The following UBAC2 variants were observed in gnomAD, a reference collection of about 807,000 sequenced individuals.
The protein encoded by UBAC2 is ubiquitin-associated domain-containing protein 2.
Under a neutral mutation model 44.0 loss-of-function variants are expected in UBAC2, and 26 were observed. The ratio of observed to expected loss-of-function variants is 0.59; its 90% confidence interval spans 0.43 to 0.82. The LOEUF (loss-of-function observed/expected upper bound fraction) is 0.82. Ranked by LOEUF, UBAC2 falls within the 40% of genes least tolerant of loss-of-function variation. UBAC2 has a pLI of 0.00. For missense variants in UBAC2, 329 were observed against 419.4 expected, an observed-to-expected ratio of 0.78 and a Z score of 1.88; for synonymous variants, 155 against 154.3, an observed-to-expected ratio of 1.00 and a Z score of -0.04.
At chr13:99,364,292 CTGTTA>C (rs2045302959) in intron 7 of UBAC2, among the ~76,000 whole-genome samples, 1 of 150,610 alleles carries the variant, frequency 6.6e-6, no homozygotes, top group Admixed American at 6.6e-5. Context: ...CTCCTTCAAA[CTGTTA>C]ATGTGTGGAT....
intron 4 of UBAC2, among the ~76,000 whole-genome samples, chr13:99,271,341 A>G (rs374734989): frequency 2.6e-5 from 4 of 152,152 alleles, no homozygotes; most frequent in Admixed American, 6.5e-5. Context: ...TATTGGGGAA[A>G]GTATTCCAGA....
At chr13:99,229,328 A>T (rs9513585) in intron 1 of UBAC2, among the ~76,000 whole-genome samples, 2 of 152,040 alleles carry the variant, frequency 1.3e-5, no homozygotes, top group African/African-American at 2.4e-5. Flanking sequence ...TATCTGTGCT[A>T]ATAAGGAAGG....
At chr13:99,354,444 C>T (rs1187632723) in intron 7 of UBAC2, among the ~76,000 whole-genome samples, 1 of 152,186 alleles carries the variant, frequency 6.6e-6, no homozygotes, top group African/African-American at 2.4e-5. Flanking sequence ...GCTGGGGAAA[C>T]CCAGACTCAG....
chr13:99,243,711 G>A (rs4771326), intron 2 of UBAC2, 121 bp from the exon 3 acceptor site: 95,505 of 843,732 alleles, frequency 0.11, 6,431 homozygotes, highest in South Asian at 0.26. Context: ...CCTTTGGTGT[G>A]TGCATTATGA....
At chr13:99,245,872 A>C (rs897309495) in intron 4 of UBAC2, among the ~76,000 whole-genome samples, 1 of 152,192 alleles carries the variant, frequency 6.6e-6, no homozygotes. Flanking sequence ...ACCATGTATT[A>C]GTGTGTGAAA....
intron 6 of UBAC2, among the ~76,000 whole-genome samples, chr13:99,325,966 C>T (rs888473041): frequency 4.6e-5 from 7 of 152,158 alleles, no homozygotes; most frequent in Admixed American, 4.6e-4. Flanking sequence ...GTTGTTTCCC[C>T]ATGTTGGCTA....
intron 4 of UBAC2, among the ~76,000 whole-genome samples, chr13:99,276,575 C>T (rs1457308590): frequency 6.6e-6 from 1 of 152,222 alleles, no homozygotes; most frequent in East Asian, 1.9e-4. Context: ...TCCATGTATT[C>T]ACCAACCCAG....
chr13:99,326,786 C>T (rs952142230), intron 6 of UBAC2, among the ~76,000 whole-genome samples: 3 of 152,268 alleles, frequency 2.0e-5, no homozygotes, highest in Non-Finnish European at 4.4e-5. Context: ...GGCTCTCATC[C>T]ATGTCTCTTC....
chr13:99,370,496 C>T (rs1018448935), intron 8 of UBAC2, among the ~76,000 whole-genome samples: 3 of 152,142 alleles, frequency 2.0e-5, no homozygotes, highest in Admixed American at 2.0e-4. Context: ...GTTGTTTTTC[C>T]CTTTCAGCAA....
rs757936050 is a variant in UBAC2, at chr13:99,295,328, C to A, written c.390-18769C>A. The A allele has an allele frequency of 5.6e-6, 9 of 1,614,068 alleles. No homozygotes were observed. In the South Asian group the frequency reaches 9.9e-5, roughly 18 times the overall value. ...GCTACATTCCAGGAAATTAGAGAAA[C>A]GAAGCTTCTTAATCATATGTTGAAT... is the stretch of plus-strand genomic sequence containing the variant. On this transcript the variant is annotated intron_variant, in intron 4 of 8. Transcript: ENST00000403766. The surrounding 1 kb of genome is among the most constrained non-coding windows in gnomAD (Gnocchi z 4.1).
chr13:99,382,289 G>A (rs1423924288), intron 8 of UBAC2, among the ~76,000 whole-genome samples: 2 of 152,196 alleles, frequency 1.3e-5, no homozygotes, highest in Admixed American at 6.5e-5. Flanking sequence ...ACAGAGATAT[G>A]TAGAGTCCTA....
intron 1 of UBAC2, among the ~76,000 whole-genome samples, chr13:99,224,632 C>T (rs2043090567): frequency 1.3e-5 from 2 of 150,360 alleles, no homozygotes; most frequent in South Asian, 2.1e-4. Context: ...GAGGGGTACA[C>T]TGAACACCCA....
chr13:99,350,629 C>A (rs749106721), intron 7 of UBAC2, among the ~76,000 whole-genome samples: 3 of 152,242 alleles, frequency 2.0e-5, no homozygotes, highest in Non-Finnish European at 4.4e-5. Flanking sequence ...TCTGACTGTT[C>A]ATCTGTATCC....
intron 4 of UBAC2, among the ~76,000 whole-genome samples, chr13:99,272,682 C>T (rs559890109): frequency 6.6e-6 from 1 of 152,158 alleles, no homozygotes; most frequent in East Asian, 1.9e-4. Flanking sequence ...GGTCTCTCTT[C>T]CTCCTCTTAC....
intron 4 of UBAC2, among the ~76,000 whole-genome samples, chr13:99,275,860 G>A (rs562130100): frequency 6.6e-6 from 1 of 152,272 alleles, no homozygotes; most frequent in African/African-American, 2.4e-5. Flanking sequence ...GTCCCCTGGT[G>A]AGGATGTTTG....
chr13:99,337,941 GGAA>G (rs1566509363), intron 6 of UBAC2, among the ~76,000 whole-genome samples: 1 of 151,200 alleles, frequency 6.6e-6, no homozygotes, highest in East Asian at 1.9e-4. Flanking sequence ...GTGACACATT[GGAA>G]GAAGAATTGT....
Position 99,224,045 on chromosome 13 carries a change from C to G in UBAC2, c.32-14382C>G, listed in dbSNP as rs185923816. 1.8e-4 allele frequency among the ~76,000 whole-genome samples: 28 copies of G among 152,266 alleles called. No individual in the cohort carries two copies. The East Asian group carries it at 5.2e-3, about 28-fold the overall frequency. ...GTCTTGTGTATCCTTACTGATTTTACTGGTCAGCTTGGGCTGCCATAACAA... is the reference window on the plus strand; with the variant it reads ...GTCTTGTGTATCCTTACTGATTTTAGTGGTCAGCTTGGGCTGCCATAACAA... On this transcript the variant is annotated intron_variant, in intron 1 of 8. Coordinates refer to ENST00000403766, the MANE Select transcript of UBAC2 (RefSeq NM_001144072.2).
chr13:99,330,390 C>T (rs1182358231), intron 6 of UBAC2, among the ~76,000 whole-genome samples: 1 of 130,420 alleles, frequency 7.7e-6, no homozygotes, highest in African/African-American at 2.9e-5. Flanking sequence ...ACCTGGGACG[C>T]CGAGGTTGTA....
chr13:99,323,441 A>C (rs2138788244), intron 6 of UBAC2, among the ~76,000 whole-genome samples: 1 of 152,168 alleles, frequency 6.6e-6, no homozygotes, highest in Admixed American at 6.5e-5. Context: ...TTTCTACAAA[A>C]AACAAACAAA....
Sources: gnomAD v4.1 joint callset for allele counts (sites outside exome capture counted in the v4.1 genomes callset) on GRCh38, gnomAD v4.1.1 for gene constraint, Gnocchi (gnomAD v3.1) non-coding constraint, MANE v1.5 for transcripts, NCBI Gene and HGNC (gene_info 2026-07-23, HGNC 2026-07-21) for gene names.